The following ERI3 variants were observed in gnomAD, a reference collection of about 807,000 sequenced individuals.
ERI3 encodes ERI1 exoribonuclease family member 3, also known as ERI1 exoribonuclease 3.
A neutral mutation model predicts 44.4 loss-of-function variants in ERI3; 18 were observed. The observed-to-expected ratio is 0.41, with a 90% confidence interval of 0.28 to 0.60. The LOEUF (loss-of-function observed/expected upper bound fraction) is 0.60. Among genes scored for constraint, ERI3 ranks in the 20% least tolerant of loss-of-function variants. The probability of loss-of-function intolerance (pLI) is 0.36; values close to 1 mark genes in which losing one functional copy is unlikely to be tolerated. For synonymous variants in ERI3, 183 were observed against 164.8 expected (o/e 1.11, Z -0.84); for missense variants, 294 against 435.5 (o/e 0.68, Z 2.89).
chr1:44,242,916 G>A lies in ERI3; in HGVS notation c.931+5023C>T, dbSNP rs538482664. On this transcript the variant is annotated intron_variant, in intron 8 of 8. Transcript: ENST00000372257. ...CGAGGAGGAGGGCGGGCAGCCCAGT[G>A]AGCGTGGCGGCAGAGGCGGCAGAGA... is the stretch of plus-strand genomic sequence containing the variant. Among the ~76,000 whole-genome samples the A allele has an allele frequency of 5.3e-5, 8 of 152,362 alleles. No homozygotes were observed. In the South Asian group the frequency reaches 1.0e-3, roughly 20 times the overall value.
chr1:44,347,801 T>A (rs988793383), intron 2 of ERI3, among the ~76,000 whole-genome samples: 2 of 151,552 alleles, frequency 1.3e-5, no homozygotes, highest in African/African-American at 4.8e-5. Flanking sequence ...ATATTTGACA[T>A]AATTCTTTGA....
At chr1:44,342,846 TATATATATATA>T (rs1417650655) in intron 2 of ERI3, among the ~76,000 whole-genome samples, 1 of 34,520 alleles carries the variant, frequency 2.9e-5, no homozygotes, top group Non-Finnish European at 5.2e-5. Flanking sequence ...TATATATATA[TATATATATATA>T]TTTTTTTTTT....
chr1:44,246,714 G>C (rs1644561666), intron 8 of ERI3, among the ~76,000 whole-genome samples: 1 of 152,212 alleles, frequency 6.6e-6, no homozygotes, highest in Non-Finnish European at 1.5e-5. Context: ...TTAGTACCCT[G>C]GGTGGCAAGC....
At chr1:44,350,074 A>T (rs1646858778) in intron 2 of ERI3, among the ~76,000 whole-genome samples, 1 of 152,148 alleles carries the variant, frequency 6.6e-6, no homozygotes, top group South Asian at 2.1e-4. Flanking sequence ...AGGAAAGGAG[A>T]AACCAAATAG....
At chr1:44,285,456 G>A (rs1447656953) in intron 6 of ERI3, among the ~76,000 whole-genome samples, 1 of 152,230 alleles carries the variant, frequency 6.6e-6, no homozygotes, top group Non-Finnish European at 1.5e-5. Context: ...AGATAGATGA[G>A]CAGGGGTTTC....
intron 8 of ERI3, among the ~76,000 whole-genome samples, chr1:44,237,799 G>A (rs1019728015): frequency 6.6e-6 from 1 of 152,208 alleles, no homozygotes; most frequent in African/African-American, 2.4e-5. Flanking sequence ...GTACATCATG[G>A]TGTCAAGTCT....
chr1:44,255,277 G>A (rs1483937375), intron 7 of ERI3, among the ~76,000 whole-genome samples: 2 of 152,058 alleles, frequency 1.3e-5, no homozygotes, highest in East Asian at 1.9e-4. Flanking sequence ...TCAAGCTGCC[G>A]CCATGCTGCC....
chr1:44,293,276 G>A (rs1218312166), intron 6 of ERI3, among the ~76,000 whole-genome samples: 1 of 152,272 alleles, frequency 6.6e-6, no homozygotes, highest in African/African-American at 2.4e-5. Context: ...ATGCTGGAGG[G>A]AGCTGGCTGA....
Position 44,332,262 on chromosome 1 carries a change from T to G in ERI3, c.489+6783A>C, listed in dbSNP as rs545798497. Among the ~76,000 whole-genome samples, 3 of 152,272 alleles carry G rather than the reference T, an allele frequency of 2.0e-5. No individual in the cohort carries two copies. In the South Asian group the frequency reaches 6.2e-4, roughly 32 times the overall value. On this transcript the variant is annotated intron_variant, in intron 3 of 8. Coordinates refer to ENST00000372257, the MANE Select transcript of ERI3 (RefSeq NM_024066.3). ...ACCATTTATCAATGGCCCTATTCTT[T>G]AGAGCTCTTCCCCACCACCAACCTT...
intron 6 of ERI3, among the ~76,000 whole-genome samples, chr1:44,297,405 G>A (rs1247746238): frequency 1.3e-5 from 2 of 151,894 alleles, no homozygotes; most frequent in African/African-American, 4.8e-5. Flanking sequence ...TCTTCACTGG[G>A]GTGTTCACAG....
chr1:44,352,555 T>C (rs1646916825), intron 2 of ERI3, among the ~76,000 whole-genome samples: 1 of 152,242 alleles, frequency 6.6e-6, no homozygotes, highest in South Asian at 2.1e-4. Context: ...TATTCAACCA[T>C]CCTGAACCTA....
chr1:44,281,821 T>C (rs1241428067), intron 7 of ERI3, among the ~76,000 whole-genome samples: 2 of 151,434 alleles, frequency 1.3e-5, no homozygotes, highest in East Asian at 1.9e-4. Flanking sequence ...TGGAGTATAC[T>C]CACTTGGGCT....
rs142185736 is a variant in ERI3, at chr1:44,339,741, G to A, written c.212-419C>T. Among the ~76,000 whole-genome samples, 1,257 of 152,342 alleles carry A rather than the reference G, an allele frequency of 8.3e-3. 11 individuals carry two copies. Among genetic ancestry groups the A allele is most frequent in the Non-Finnish European group, 0.013 (887 of 68,034 alleles). ...CCCTGTTGTACAATGAGTCCTGGAA[G>A]CTAAGTAGACTCAGACAAGCAGCAG... On this transcript the variant is annotated intron_variant, in intron 2 of 8. Coordinates refer to ENST00000372257, the MANE Select transcript of ERI3 (RefSeq NM_024066.3).
rs115566527 is a variant in ERI3, at chr1:44,299,975, G to A, written c.758+8335C>T. 3.9e-3 allele frequency among the ~76,000 whole-genome samples: 588 copies of A among 152,234 alleles called. 5 individuals carry two copies. The highest frequency in any genetic ancestry group is 0.014 in the African/African-American group (565 of 41,544). ...CTTCCTGACAAACCAGGCAGAGACC[G>A]GCTGAGTTAGCCCAACTCTGGGCTA... On this transcript the variant is annotated intron_variant, in intron 6 of 8. Transcript: ENST00000372257.
chr1:44,286,827 G>A (rs1436316562), intron 6 of ERI3, among the ~76,000 whole-genome samples: 3 of 152,136 alleles, frequency 2.0e-5, no homozygotes, highest in Non-Finnish European at 4.4e-5. Context: ...CAAGATCTGA[G>A]AGTCCAGAAA....
At chr1:44,240,132 T>A (rs1644401726) in intron 8 of ERI3, among the ~76,000 whole-genome samples, 1 of 152,116 alleles carries the variant, frequency 6.6e-6, no homozygotes, top group South Asian at 2.1e-4. Context: ...CACCAGCCCC[T>A]CCTTGAGCTA....
intron 2 of ERI3, among the ~76,000 whole-genome samples, chr1:44,342,828 T>TATATATATATATAA (rs1553201357): frequency 9.6e-4 from 18 of 18,756 alleles, no homozygotes; most frequent in Non-Finnish European, 1.6e-3. Flanking sequence ...TATATATATA[T>TATATATATATATAA]ATATATATAT....
intron 6 of ERI3, among the ~76,000 whole-genome samples, chr1:44,285,941 A>G (rs1341976414): frequency 6.6e-6 from 1 of 152,208 alleles, no homozygotes; most frequent in African/African-American, 2.4e-5. Flanking sequence ...AGCAAAAATA[A>G]TAGACTAAAA....
At chr1:44,290,615 G>A (rs561696870) in intron 6 of ERI3, among the ~76,000 whole-genome samples, 10 of 152,272 alleles carry the variant, frequency 6.6e-5, no homozygotes, top group South Asian at 2.1e-4. Flanking sequence ...GATTTGAGTC[G>A]GTATCCAGCA....
Sources: gnomAD v4.1 joint callset for allele counts (sites outside exome capture counted in the v4.1 genomes callset) on GRCh38, gnomAD v4.1.1 for gene constraint, MANE v1.5 for transcripts, NCBI Gene and HGNC (gene_info 2026-07-23, HGNC 2026-07-21) for gene names.